Variants in PHACTR3 observed in about 807,000 individuals in gnomAD.
PHACTR3 encodes protein phosphatase 1, regulatory subunit 123.
A neutral mutation model predicts 66.8 loss-of-function variants in PHACTR3; 16 were observed. That is an observed-to-expected ratio of 0.24 (90% CI 0.16 to 0.36). The LOEUF (loss-of-function observed/expected upper bound fraction) is 0.36, where lower values mean the gene tolerates loss of function less well. Among genes scored for constraint, PHACTR3 ranks in the 10% least tolerant of loss-of-function variants. PHACTR3 has a pLI of 1.00. For missense variants in PHACTR3, 647 were observed against 719.9 expected (o/e 0.90, Z 1.16); for synonymous variants, 323 against 292.1 (o/e 1.11, Z -1.08).
intron 1 of PHACTR3, among the ~76,000 whole-genome samples, chr20:59,594,355 T>C (rs952705571): frequency 6.6e-6 from 1 of 151,946 alleles, no homozygotes; most frequent in African/African-American, 2.4e-5. Context: ...TTTTTTATTT[T>C]CTACATAGAT....
intron 1 of PHACTR3, among the ~76,000 whole-genome samples, chr20:59,725,927 G>T (rs1397333764): frequency 1.3e-5 from 2 of 152,186 alleles, no homozygotes; most frequent in African/African-American, 2.4e-5. Flanking sequence ...GGACTGGAGG[G>T]GTGGGCAGAG....
chr20:59,712,309 G>C (rs188590603), intron 1 of PHACTR3, among the ~76,000 whole-genome samples: 2 of 152,102 alleles, frequency 1.3e-5, no homozygotes, highest in African/African-American at 2.4e-5. Flanking sequence ...TTTCCCATTG[G>C]CTTATGGTGC....
intron 1 of PHACTR3, chr20:59,628,718 A>G (rs984078576): frequency 1.1e-5 from 11 of 985,236 alleles, no homozygotes; most frequent in Non-Finnish European, 1.2e-5. Flanking sequence ...TCCCCATAGT[A>G]CCTACTAGGT....
chr20:59,750,993 C>T (rs2039557657), intron 3 of PHACTR3, among the ~76,000 whole-genome samples: 1 of 152,230 alleles, frequency 6.6e-6, no homozygotes. Flanking sequence ...CCCTAATCCT[C>T]CTGGTGCTGG....
At chr20:59,841,342 CA>C (rs1189266721) in intron 10 of PHACTR3, 52 bp from the exon 11 acceptor site, 3 of 1,555,290 alleles carry the variant, frequency 1.9e-6, no homozygotes, top group Middle Eastern at 2.0e-4. Flanking sequence ...CAGAGTACTT[CA>C]AAAAAGCTAG....
intron 8 of PHACTR3, among the ~76,000 whole-genome samples, chr20:59,821,941 C>T (rs1472510269): frequency 6.8e-6 from 1 of 147,652 alleles, no homozygotes; most frequent in Non-Finnish European, 1.5e-5. Context: ...TGGACAAACA[C>T]AGCTACCCCC....
intron 1 of PHACTR3, among the ~76,000 whole-genome samples, chr20:59,710,487 G>C (rs569434767): frequency 1.3e-5 from 2 of 152,166 alleles, no homozygotes; most frequent in Non-Finnish European, 2.9e-5. Flanking sequence ...CCACAGCAGC[G>C]AGTTCACTGG....
At chr20:59,763,230 G>A (rs967019378) in intron 4 of PHACTR3, among the ~76,000 whole-genome samples, 11 of 152,228 alleles carry the variant, frequency 7.2e-5, no homozygotes, top group African/African-American at 2.2e-4. Context: ...CTGCCGCCTT[G>A]TGAAGAAGGT....
intron 5 of PHACTR3, 93 bp downstream of exon 5, chr20:59,767,488 A>G (rs975639914): frequency 2.7e-5 from 36 of 1,352,248 alleles, no homozygotes; most frequent in Admixed American, 1.4e-4. Context: ...TCATCTATCT[A>G]TTTATTCACC....
At chr20:59,605,201 C>A in intron 1 of PHACTR3, 69 bp downstream of exon 1, 1 of 1,109,422 alleles carries the variant, frequency 9.0e-7, no homozygotes, top group Non-Finnish European at 1.2e-6. Flanking sequence ...AGAGCAGGAC[C>A]CCGCGAGGCT....
rs141035398 is a variant in PHACTR3, at chr20:59,612,799, A to T, written c.118+7667A>T. On this transcript the variant is annotated intron_variant, in intron 1 of 12. Coordinates refer to ENST00000371015, the MANE Select transcript of PHACTR3 (RefSeq NM_080672.5). ...AGACTGGGTAATTTATAAAGAAAAG[A>T]GGTTTAATTGGCTCATGCTTCTGAG... Among the ~76,000 whole-genome samples, 4 of 152,260 alleles carry T rather than the reference A, an allele frequency of 2.6e-5. No individual in the cohort carries two copies. In the East Asian group the frequency reaches 7.7e-4, roughly 29 times the overall value.
rs199647853 is a variant in PHACTR3, at chr20:59,774,114, A to AT, written c.927-128dup. On this transcript the variant is annotated intron_variant, in intron 6 of 12. Transcript: ENST00000371015. The stretch of plus-strand genomic sequence containing the variant: ...TCATGCTCCTTCTGGTGTGTCCAGG[A>AT]TAAAAACCAAGAGGTCACATGCATT... 2.0e-3 allele frequency: 2,422 copies of AT among 1,229,162 alleles called. 27 individuals are homozygous for AT. The African/African-American group carries it at 0.032, about 16-fold the overall frequency. 76.1% of individuals were successfully genotyped at this position (1,229,162 alleles called of 1,614,324 possible).
chr20:59,808,095 TG>T (rs1241975025), intron 8 of PHACTR3, among the ~76,000 whole-genome samples: 1 of 152,142 alleles, frequency 6.6e-6, no homozygotes, highest in Non-Finnish European at 1.5e-5. Flanking sequence ...TGAGACAGAA[TG>T]GGGGCCTTCT....
intron 1 of PHACTR3, among the ~76,000 whole-genome samples, chr20:59,717,413 G>A (rs1476946486): frequency 6.6e-6 from 1 of 152,228 alleles, no homozygotes; most frequent in African/African-American, 2.4e-5. Context: ...TGACACGGAT[G>A]AAATCCACTG....
chr20:59,844,556 A>G (rs1223059731), intron 11 of PHACTR3: 1 of 152,146 alleles, frequency 6.6e-6, no homozygotes, highest in Non-Finnish European at 1.5e-5. Context: ...ATGGAACTGG[A>G]TGTTATTATG....
rs1013083024 is a variant in PHACTR3, at chr20:59,829,683, G to A, written c.1329-6822G>A. On this transcript the variant is annotated intron_variant, in intron 8 of 12. Coordinates refer to ENST00000371015, the MANE Select transcript of PHACTR3 (RefSeq NM_080672.5). The surrounding 1 kb of genome is among the most constrained non-coding windows in gnomAD (Gnocchi z 4.2). ...CTCAAGGCGGCTGTGGGGCAGGATT[G>A]GCATTCCCAGAAAGGAGCCTCCCAA... Among the ~76,000 whole-genome samples, 1 of 152,256 alleles carries A rather than the reference G, an allele frequency of 6.6e-6. No individual in the cohort carries two copies.
intron 8 of PHACTR3, among the ~76,000 whole-genome samples, chr20:59,832,020 T>G (rs1444502649): frequency 1.3e-5 from 2 of 152,192 alleles, no homozygotes; most frequent in East Asian, 3.9e-4. Flanking sequence ...TGGCCTGTGA[T>G]GCATGCCTCT....
At chr20:59,750,159 A>G (rs562651158) in intron 3 of PHACTR3, among the ~76,000 whole-genome samples, 1 of 151,840 alleles carries the variant, frequency 6.6e-6, no homozygotes, top group South Asian at 2.1e-4. Context: ...ACTCACGACC[A>G]CAGTGAGTGC....
At chr20:59,744,549 C>T (rs941512524) in intron 2 of PHACTR3, among the ~76,000 whole-genome samples, 10 of 152,220 alleles carry the variant, frequency 6.6e-5, no homozygotes, top group Admixed American at 2.0e-4. Context: ...GGCGCAGGCT[C>T]CAGGGCTTTG....
Sources: allele counts gnomAD v4.1 joint callset (sites outside exome capture counted in the v4.1 genomes callset), GRCh38; gene constraint gnomAD v4.1.1; non-coding constraint Gnocchi (gnomAD v3.1); transcripts MANE v1.5; gene names NCBI Gene and HGNC (gene_info 2026-07-23, HGNC 2026-07-21).